The following ARNT variants were observed in gnomAD, a reference collection of about 807,000 sequenced individuals.
ARNT encodes the protein aryl hydrocarbon receptor nuclear translocator, also known as class E basic helix-loop-helix protein 2.
ARNT carries 30 observed loss-of-function variants against 105.0 expected under a neutral mutation model. That is an observed-to-expected ratio of 0.29 (90% CI 0.21 to 0.39). ARNT has a LOEUF of 0.39. Among genes scored for constraint, ARNT ranks in the 10% least tolerant of loss-of-function variants. The probability of loss-of-function intolerance (pLI) is 1.00; values close to 1 mark genes in which losing one functional copy is unlikely to be tolerated. For synonymous variants in ARNT, 304 were observed against 344.0 expected, an observed-to-expected ratio of 0.88 and a Z score of 1.29; for missense variants, 748 against 978.7, an observed-to-expected ratio of 0.76 and a Z score of 3.15.
intron 4 of ARNT, among the ~76,000 whole-genome samples, 164 bp downstream of exon 4, chr1:150,846,099 A>G (rs1662153687): frequency 6.6e-6 from 1 of 152,218 alleles, no homozygotes; most frequent in Non-Finnish European, 1.5e-5. Context: ...CTGAACATAA[A>G]TGATAGTTAT....
Position 150,811,951 on chromosome 1 carries a change from A to G in ARNT, c.*70T>C. The G allele has an allele frequency of 8.1e-7, 1 of 1,227,210 alleles. No individual in the cohort carries two copies. Among genetic ancestry groups the G allele is most frequent in the Admixed American group, 2.7e-5 (1 of 37,568 alleles). The allele number at this position is 1,227,210 out of a possible 1,614,324, so 76.0% of individuals were successfully genotyped here. On this transcript the variant is annotated 3_prime_UTR_variant, in exon 22 of 22. Coordinates refer to ENST00000358595, the MANE Select transcript of ARNT (RefSeq NM_001668.4). ...GGAGAGGAACTTTTATTCTGTTTAC[A>G]GAAAGATTTGCTTTTTAAAAACAAA...
chr1:150,818,299 G>T, intron 14 of ARNT: 1 of 308,166 alleles, frequency 3.2e-6, no homozygotes. Flanking sequence ...GTGAATGTGT[G>T]TATATATTCA....
intron 9 of ARNT, 73 bp from the exon 10 acceptor site, chr1:150,831,976 AG>A (rs943883892): frequency 1.0e-6 from 1 of 968,822 alleles, no homozygotes; most frequent in African/African-American, 1.6e-5. Flanking sequence ...ATGCTGCCTT[AG>A]TACTTTTAAG....
chr1:150,820,014 G>A (rs1656731833), intron 14 of ARNT, among the ~76,000 whole-genome samples: 1 of 152,208 alleles, frequency 6.6e-6, no homozygotes, highest in Non-Finnish European at 1.5e-5. Flanking sequence ...TAATGAAAGA[G>A]GAGGATGTAG....
intron 19 of ARNT, 27 bp downstream of exon 19, chr1:150,816,232 A>C (rs773046037): frequency 6.3e-7 from 1 of 1,575,282 alleles, no homozygotes; most frequent in East Asian, 2.4e-5. Flanking sequence ...AATAATACAC[A>C]GGGAACACAC....
chr1:150,861,235 A>G (rs1322153655), intron 1 of ARNT: 1 of 365,168 alleles, frequency 2.7e-6, no homozygotes, highest in Non-Finnish European at 5.3e-6. Context: ...AACTGGGTGC[A>G]GTGGTGCGCA....
chr1:150,810,487 G>A lies in ARNT; in HGVS notation c.*1534C>T. 1 of 221,970 alleles carries A rather than the reference G, an allele frequency of 4.5e-6. No individual in the cohort carries two copies. The highest frequency in any genetic ancestry group is 9.0e-6 in the Non-Finnish European group (1 of 110,570). The allele number at this position is 221,970 out of a possible 1,614,324, so 13.8% of individuals were successfully genotyped here. ...TTACTCCACTACCTGGCACCAGACT[G>A]GAGACATAAGGAAGGGAAACTCAGC... On this transcript the variant is annotated 3_prime_UTR_variant, in exon 22 of 22. Transcript: ENST00000358595.
At chr1:150,868,445 CT>C (rs1488926266) in intron 1 of ARNT, among the ~76,000 whole-genome samples, 3 of 152,192 alleles carry the variant, frequency 2.0e-5, no homozygotes, top group Non-Finnish European at 4.4e-5. Flanking sequence ...GCAACAGTGT[CT>C]CTGAAACCAA....
At chr1:150,812,294 T>G (rs191711195) in intron 21 of ARNT, among the ~76,000 whole-genome samples, 184 bp from the exon 22 acceptor site, 1 of 152,298 alleles carries the variant, frequency 6.6e-6, no homozygotes, top group Admixed American at 6.5e-5. Flanking sequence ...TCCTAATCCC[T>G]TCTGTCTTCC....
At chr1:150,826,924 G>A (rs187104415) in intron 12 of ARNT, among the ~76,000 whole-genome samples, 70 of 152,170 alleles carry the variant, frequency 4.6e-4, no homozygotes, top group African/African-American at 1.6e-3. Flanking sequence ...TGGGATTACA[G>A]GTGTGAGCCA....
chr1:150,838,494 A>G (rs1375534703), intron 6 of ARNT, among the ~76,000 whole-genome samples: 3 of 152,244 alleles, frequency 2.0e-5, no homozygotes, highest in African/African-American at 4.8e-5. Flanking sequence ...CTGTTAGAAC[A>G]TATTAACTAT....
intron 8 of ARNT, 124 bp downstream of exon 8, chr1:150,834,414 C>A (rs1244897852): frequency 4.6e-6 from 4 of 871,024 alleles, no homozygotes; most frequent in Admixed American, 4.6e-5. Flanking sequence ...GTGTTACAAT[C>A]CATCTGGGTA....
intron 15 of ARNT, 92 bp downstream of exon 15, chr1:150,817,828 A>AT: frequency 8.9e-7 from 1 of 1,123,654 alleles, no homozygotes; most frequent in Non-Finnish European, 1.3e-6. Context: ...AAAAAAAAAA[A>AT]AAATTAACCA....
chr1:150,847,425 C>CAAAAAAAAAA (rs587697329), intron 3 of ARNT, among the ~76,000 whole-genome samples: 2 of 91,716 alleles, frequency 2.2e-5, no homozygotes, highest in African/African-American at 8.9e-5. Flanking sequence ...GACTCCGTCT[C>CAAAAAAAAAA]AAAAAAAAAA....
chr1:150,876,417 C>T, intron 1 of ARNT, 126 bp downstream of exon 1: 3 of 1,454,882 alleles, frequency 2.1e-6, no homozygotes, highest in Admixed American at 2.5e-5. Flanking sequence ...CCCACCGTCT[C>T]TCGCGGCCCC....
intron 15 of ARNT, 74 bp from the exon 16 acceptor site, chr1:150,817,507 C>G: frequency 6.9e-7 from 1 of 1,443,906 alleles, no homozygotes; most frequent in Non-Finnish European, 9.6e-7. Flanking sequence ...GGAGAAAGAA[C>G]CTTAAAACAA....
intron 2 of ARNT, among the ~76,000 whole-genome samples, chr1:150,856,579 G>A (rs1458134960): frequency 5.9e-5 from 9 of 151,598 alleles, no homozygotes; most frequent in Non-Finnish European, 7.4e-5. Flanking sequence ...CCTGGCCAAC[G>A]TGGTGAAATC....
intron 5 of ARNT, among the ~76,000 whole-genome samples, chr1:150,841,292 C>T (rs587614041): frequency 1.5e-4 from 23 of 151,338 alleles, no homozygotes; most frequent in African/African-American, 5.6e-4. Flanking sequence ...CTTAAGAATT[C>T]TACTTGAACA....
At chr1:150,856,696 G>A (rs1250867244) in intron 2 of ARNT, among the ~76,000 whole-genome samples, 4 of 152,178 alleles carry the variant, frequency 2.6e-5, no homozygotes. Context: ...CAGAGAGGTG[G>A]AGATTGCAGT....
Sources: allele counts gnomAD v4.1 joint callset (sites outside exome capture counted in the v4.1 genomes callset), GRCh38; gene constraint gnomAD v4.1.1; transcripts MANE v1.5; gene names NCBI Gene and HGNC (gene_info 2026-07-23, HGNC 2026-07-21).